The following HERC1 variants were observed in gnomAD, a reference collection of about 807,000 sequenced individuals.
HERC1 encodes the protein probable E3 ubiquitin-protein ligase HERC1.
Under a neutral mutation model 554.3 loss-of-function variants are expected in HERC1, and 160 were observed. That is an observed-to-expected ratio of 0.29 (90% CI 0.25 to 0.33). The LOEUF (loss-of-function observed/expected upper bound fraction) is 0.33. Ranked by LOEUF, HERC1 falls within the 10% of genes least tolerant of loss-of-function variation. HERC1 has a pLI of 1.00. For synonymous variants in HERC1, 2,175 were observed against 2,131.7 expected, an observed-to-expected ratio of 1.02 and a Z score of -0.56; for missense variants, 4,919 against 5,918.5, an observed-to-expected ratio of 0.83 and a Z score of 5.54.
In HERC1 at chr15:63,694,025, GTCT is replaced by G; in HGVS notation, c.5610_5612del (p.Glu1870del). On this transcript the variant is annotated inframe_deletion, in exon 30 of 78. Coordinates refer to ENST00000443617, the MANE Select transcript of HERC1 (RefSeq NM_003922.4). The surrounding 1 kb of genome is among the most constrained non-coding windows in gnomAD (Gnocchi z 4.3). The stretch of plus-strand genomic sequence containing the variant: ...CAACTTTTTTTTCTTCTTCTTCACC[GTCT>G]TCTTGCTCCCCTTCTCCGAAAGAGG... 1.9e-6 allele frequency: 3 copies of G among 1,587,144 alleles called. No homozygotes were observed. Among genetic ancestry groups the G allele is most frequent in the South Asian group, 1.1e-5 (1 of 87,246 alleles).
intron 25 of HERC1, 96 bp downstream of exon 25, chr15:63,706,684 A>G (rs1402143984): frequency 2.5e-5 from 17 of 684,632 alleles, no homozygotes; most frequent in Non-Finnish European, 3.5e-5. Flanking sequence ...CATCAGATAT[A>G]AAAACAGCTT....
At chr15:63,639,701 T>C (rs1334679646) in intron 61 of HERC1, among the ~76,000 whole-genome samples, 1 of 152,220 alleles carries the variant, frequency 6.6e-6, no homozygotes, top group Non-Finnish European at 1.5e-5. Context: ...GAGTAGACAC[T>C]CTCAAATACA....
At chr15:63,755,360 A>C in intron 5 of HERC1, 35 bp from the exon 6 acceptor site, 1 of 1,418,738 alleles carries the variant, frequency 7.0e-7, no homozygotes, top group Non-Finnish European at 1.0e-6. Context: ...ATGAGTATGC[A>C]CATGTTAAAA....
At position 63,712,978 on chromosome 15, in the gene HERC1, A is replaced by G. The variant is rs546704701; in HGVS notation, c.4464-83T>C. 4.6e-5 allele frequency: 60 copies of G among 1,291,514 alleles called. 1 individual carries two copies. In the South Asian group the frequency reaches 7.5e-4, roughly 16 times the overall value. The allele number at this position is 1,291,514 out of a possible 1,614,324, so 80.0% of individuals were successfully genotyped here. A position where few individuals can be genotyped will look rare whatever the true frequency, so the allele number is the denominator to read the frequency against. ...AATTGAATGGAATTGGAGCACAGAG[A>G]TAATATACACACACAGGGAGGAGTA... is the stretch of plus-strand genomic sequence containing the variant. On this transcript the variant is annotated intron_variant, in intron 23 of 77. Coordinates refer to ENST00000443617, the MANE Select transcript of HERC1 (RefSeq NM_003922.4).
chr15:63,615,264 G>C (rs543882204), intron 76 of HERC1, among the ~76,000 whole-genome samples: 1 of 152,186 alleles, frequency 6.6e-6, no homozygotes, highest in Non-Finnish European at 1.5e-5. Flanking sequence ...TTAAGGCACT[G>C]GGTATGGAGA....
Position 63,718,619 on chromosome 15 carries a change from C to T in HERC1, c.3933G>A (p.Lys1311=), listed in dbSNP as rs545885288. 1 of 1,589,086 alleles carries T rather than the reference C, an allele frequency of 6.3e-7. No individual in the cohort carries two copies. The highest frequency in any genetic ancestry group is 1.1e-5 in the South Asian group (1 of 87,986). ...ACCTTGTTTGAATAAGTTCAAGGTT[C>T]TTGCAAGCAAGTAAACGACTTCGAA... The part of the protein sequence containing the change: ...YKVRSRLLAC[K]NLELIQTRSS... Residue 1311 remains lysine (K), a synonymous_variant, in exon 21 of 78, where the codon AAG becomes AAA. Transcript: ENST00000443617. The surrounding 1 kb of genome is among the most constrained non-coding windows in gnomAD (Gnocchi z 4.2).
intron 8 of HERC1, among the ~76,000 whole-genome samples, chr15:63,751,724 T>G (rs1412139511): frequency 1.3e-5 from 2 of 152,220 alleles, no homozygotes; most frequent in African/African-American, 4.8e-5. Flanking sequence ...CTGACTTTAT[T>G]TTTTTCACGC....
chr15:63,669,341 T>C (rs2070788155), intron 40 of HERC1, among the ~76,000 whole-genome samples, 197 bp downstream of exon 40: 1 of 152,238 alleles, frequency 6.6e-6, no homozygotes, highest in East Asian at 1.9e-4. Flanking sequence ...GTACAGCACA[T>C]TATTTCTCTC....
intron 66 of HERC1, 115 bp from the exon 67 acceptor site, chr15:63,634,085 C>T: frequency 2.6e-6 from 3 of 1,153,784 alleles, no homozygotes; most frequent in Middle Eastern, 2.0e-4. Flanking sequence ...TTCCAAATAT[C>T]TACAATGGTT....
chr15:63,763,238 G>A (rs185252461), intron 3 of HERC1, among the ~76,000 whole-genome samples: 11 of 152,240 alleles, frequency 7.2e-5, no homozygotes, highest in Admixed American at 1.3e-4. Flanking sequence ...GATAGAATTA[G>A]AATATCATAT....
At chr15:63,794,903 T>C (rs1312015090) in intron 1 of HERC1, among the ~76,000 whole-genome samples, 2 of 151,710 alleles carry the variant, frequency 1.3e-5, no homozygotes, top group Non-Finnish European at 2.9e-5. Flanking sequence ...CTATCTCTAC[T>C]AAAAATACAA....
chr15:63,741,703 G>A (rs947593931), intron 12 of HERC1, among the ~76,000 whole-genome samples: 1 of 152,110 alleles, frequency 6.6e-6, no homozygotes, highest in Non-Finnish European at 1.5e-5. Context: ...TCATTCTTTT[G>A]CATGTGGGTA....
At chr15:63,786,947 G>A (rs376830508) in intron 1 of HERC1, among the ~76,000 whole-genome samples, 5 of 142,560 alleles carry the variant, frequency 3.5e-5, no homozygotes, top group African/African-American at 5.2e-5. Context: ...TTTTTGAGAC[G>A]GAGTTTCACT....
intron 44 of HERC1, among the ~76,000 whole-genome samples, chr15:63,662,456 T>C (rs2070406475): frequency 6.6e-6 from 1 of 152,220 alleles, no homozygotes; most frequent in Non-Finnish European, 1.5e-5. Context: ...CTTACATCTA[T>C]GAGCTTTTTG....
In HERC1 at chr15:63,612,424, G is replaced by T. The variant is rs749255908; in HGVS notation, c.14227C>A (p.Arg4743=). 11 of 1,613,942 alleles carry T rather than the reference G, an allele frequency of 6.8e-6. No homozygotes were observed. Among genetic ancestry groups the T allele is most frequent in the Non-Finnish European group, 9.3e-6 (11 of 1,179,888 alleles). ...ISVEVLKKVV[R]YREVDEQHQL... ...TGCTGCTCATCCACCTCACGGTACC[G>T]CACCACTTTCTTCAAGACTTCCACA... Residue 4743 remains arginine (R), a synonymous_variant, in exon 77 of 78, where the codon CGG becomes AGG. Coordinates refer to ENST00000443617, the MANE Select transcript of HERC1 (RefSeq NM_003922.4). The surrounding 1 kb of genome is among the most constrained non-coding windows in gnomAD (Gnocchi z 5.0).
intron 1 of HERC1, among the ~76,000 whole-genome samples, chr15:63,798,417 C>A (rs186021274): frequency 1.5e-4 from 23 of 152,124 alleles, no homozygotes; most frequent in Non-Finnish European, 2.9e-4. Context: ...CTCCCACCTA[C>A]GTAACAGACA....
intron 25 of HERC1, among the ~76,000 whole-genome samples, chr15:63,701,598 G>C (rs2072726565): frequency 6.6e-6 from 1 of 152,178 alleles, no homozygotes; most frequent in Non-Finnish European, 1.5e-5. Context: ...GATAAAAATA[G>C]ATGCCAGGTC....
intron 1 of HERC1, among the ~76,000 whole-genome samples, chr15:63,823,314 C>G (rs2077767773): frequency 6.6e-6 from 1 of 152,158 alleles, no homozygotes; most frequent in African/African-American, 2.4e-5. Context: ...TGTGAGTCAA[C>G]TGGCATATAG....
At position 63,758,047 on chromosome 15, in the gene HERC1, G is replaced by C. The variant is rs1314389789; in HGVS notation, c.1221+128C>G. 1.4e-6 allele frequency: 1 copy of C among 693,508 alleles called. No homozygotes were observed. Among genetic ancestry groups the C allele is most frequent in the African/African-American group, 1.8e-5 (1 of 55,696 alleles). 43.0% of individuals were successfully genotyped at this position (693,508 alleles called of 1,614,324 possible). The stretch of plus-strand genomic sequence containing the variant: ...TATTAAAATGAAAAAAACTAATGCA[G>C]TATATAGACCAGAAATAACCATCGA... On this transcript the variant is annotated intron_variant, in intron 4 of 77. Coordinates refer to ENST00000443617, the MANE Select transcript of HERC1 (RefSeq NM_003922.4). The surrounding 1 kb of genome is among the most constrained non-coding windows in gnomAD (Gnocchi z 4.0).
Sources: allele counts gnomAD v4.1 joint callset (sites outside exome capture counted in the v4.1 genomes callset), GRCh38; gene constraint gnomAD v4.1.1; non-coding constraint Gnocchi (gnomAD v3.1); transcripts MANE v1.5; gene names NCBI Gene and HGNC (gene_info 2026-07-23, HGNC 2026-07-21).